The following SOS1 variants were observed in gnomAD, a reference collection of about 807,000 sequenced individuals.
SOS1 encodes the protein SOS Ras/Rac guanine nucleotide exchange factor 1.
Under a neutral mutation model 157.6 loss-of-function variants are expected in SOS1, and 25 were observed. That is an observed-to-expected ratio of 0.16 (90% CI 0.12 to 0.22). The LOEUF (loss-of-function observed/expected upper bound fraction) is 0.22, where lower values mean the gene tolerates loss of function less well. Ranked by LOEUF, SOS1 falls within the 10% of genes least tolerant of loss-of-function variation. The probability of loss-of-function intolerance (pLI) is 1.00; values close to 1 mark genes in which losing one functional copy is unlikely to be tolerated. For synonymous variants in SOS1, 528 were observed against 534.0 expected (o/e 0.99, Z 0.16); for missense variants, 1,237 against 1,599.1 (o/e 0.77, Z 3.86).
intron 1 of SOS1, among the ~76,000 whole-genome samples, chr2:39,099,741 C>CAAACCATATTGAAATGG (rs1431579632): frequency 6.6e-5 from 10 of 152,094 alleles, no homozygotes; most frequent in African/African-American, 2.4e-4. Context: ...AACCATATAT[C>CAAACCATATTGAAATGG]TTTTTTTATT....
At chr2:39,057,494 C>T (rs1671252110) in intron 3 of SOS1, among the ~76,000 whole-genome samples, 1 of 151,902 alleles carries the variant, frequency 6.6e-6, no homozygotes, top group Non-Finnish European at 1.5e-5. Flanking sequence ...ATAACAAATT[C>T]TATTTTCCAA....
chr2:39,115,980 C>G (rs918504572), intron 1 of SOS1, among the ~76,000 whole-genome samples: 10 of 151,710 alleles, frequency 6.6e-5, no homozygotes, highest in African/African-American at 2.4e-4. Context: ...GTTTGTATCA[C>G]AATTTGCTTA....
intron 14 of SOS1, among the ~76,000 whole-genome samples, chr2:39,011,912 T>C (rs1482795083): frequency 6.6e-6 from 1 of 152,046 alleles, no homozygotes; most frequent in Non-Finnish European, 1.5e-5. Context: ...CCTTACCAAC[T>C]AGGGGTGAAC....
upstream of SOS1, among the ~76,000 whole-genome samples, chr2:39,122,246 A>C (rs1204344361): frequency 1.3e-5 from 2 of 149,790 alleles, no homozygotes; most frequent in South Asian, 2.1e-4. Context: ...CCTGGCCAAC[A>C]CTGTGAAAAC....
At chr2:39,096,907 T>C (rs1201562612) in intron 1 of SOS1, among the ~76,000 whole-genome samples, 1 of 151,272 alleles carries the variant, frequency 6.6e-6, no homozygotes, top group African/African-American at 2.4e-5. Context: ...AAATCTTGGC[T>C]GAAATACATA....
intron 6 of SOS1, among the ~76,000 whole-genome samples, chr2:39,049,010 TG>T (rs1191419114): frequency 6.6e-6 from 1 of 152,090 alleles, no homozygotes; most frequent in African/African-American, 2.4e-5. Flanking sequence ...CTCCACCTCC[TG>T]GGTTCAAGTG....
At position 39,001,305 on chromosome 2, in the gene SOS1, C is replaced by T. The variant is rs554676885; in HGVS notation, c.2792-3880G>A. On this transcript the variant is annotated intron_variant, in intron 17 of 22. Transcript: ENST00000402219. ...CTTGAACTCCTGGCCCTAAGCAATT[C>T]GCTCACCTCAACCTCTCAAAGTGCT... Among the ~76,000 whole-genome samples the T allele has an allele frequency of 2.6e-5, 4 of 152,290 alleles. No homozygotes were observed. The East Asian group carries it at 7.7e-4, about 29-fold the overall frequency.
At chr2:39,082,000 T>C (rs297122) in intron 1 of SOS1, among the ~76,000 whole-genome samples, 144,382 of 152,208 alleles carry the variant, frequency 0.95, 68,590 homozygotes, top group African/African-American at 0.98. Flanking sequence ...ATAATAGTTA[T>C]GTCATGGTAA....
chr2:39,122,425 C>G (rs796451966), upstream of SOS1, among the ~76,000 whole-genome samples: 1 of 141,518 alleles, frequency 7.1e-6, no homozygotes, highest in African/African-American at 2.7e-5. Context: ...ACCAAAACTC[C>G]GTTTCAATTC....
chr2:39,073,183 T>C (rs1671846439), intron 1 of SOS1, among the ~76,000 whole-genome samples: 1 of 152,238 alleles, frequency 6.6e-6, no homozygotes, highest in Non-Finnish European at 1.5e-5. Flanking sequence ...GGTTACCCTG[T>C]CAAATCTTAC....
At chr2:39,027,581 T>C (rs1435211629) in intron 8 of SOS1, among the ~76,000 whole-genome samples, 1 of 152,206 alleles carries the variant, frequency 6.6e-6, no homozygotes. Context: ...GGGTGGCTTA[T>C]TGTGGCTACA....
intron 17 of SOS1, among the ~76,000 whole-genome samples, chr2:39,004,335 C>T (rs909757594): frequency 1.5e-5 from 2 of 135,988 alleles, no homozygotes; most frequent in African/African-American, 2.8e-5. Flanking sequence ...AGGAGAATGG[C>T]GTGAACCTTG....
chr2:39,116,281 C>A (rs1673647325), intron 1 of SOS1, among the ~76,000 whole-genome samples: 1 of 152,214 alleles, frequency 6.6e-6, no homozygotes, highest in South Asian at 2.1e-4. Context: ...TGACTAAAGA[C>A]AATCAAGTCA....
intron 15 of SOS1, 60 bp from the exon 16 acceptor site, chr2:39,007,253 T>A: frequency 9.4e-7 from 1 of 1,069,310 alleles, no homozygotes; most frequent in Non-Finnish European, 1.5e-6. Context: ...AGTTATAGCT[T>A]AAAGAATTTA....
chr2:39,037,031 G>GT (rs1670379809), intron 6 of SOS1, among the ~76,000 whole-genome samples: 1 of 152,294 alleles, frequency 6.6e-6, no homozygotes, highest in East Asian at 1.9e-4. Context: ...ATCAGAAGAC[G>GT]TGAGTTCTGG....
At chr2:39,114,333 C>G (rs1184312201) in intron 1 of SOS1, among the ~76,000 whole-genome samples, 2 of 146,538 alleles carry the variant, frequency 1.4e-5, no homozygotes, top group African/African-American at 5.1e-5. Flanking sequence ...GATGGAGTTT[C>G]ACTCTTGTTG....
At position 39,024,065 on chromosome 2, in the gene SOS1, C is replaced by G. The variant is rs1313184916; in HGVS notation, c.1147G>C (p.Val383Leu). The G allele has an allele frequency of 6.2e-7, 1 of 1,600,938 alleles. No individual in the cohort carries two copies. ...CATATTTTTTCCATACCACTCTGAACATTAAGCAAAGCTGTTATTGCTTGT... is the reference window on the plus strand; with the variant it reads ...CATATTTTTTCCATACCACTCTGAAGATTAAGCAAAGCTGTTATTGCTTGT... ...LKQAITALLN[V>L]QSGMEKICSK... is the part of the protein sequence containing the mutation. The change falls in exon 9 of 23, where the codon GTT becomes CTT. Residue 383 changes from valine (V) to leucine (L), a missense_variant. Val to Leu is a conservative substitution (Grantham distance 32). Coordinates refer to ENST00000402219, the MANE Select transcript of SOS1 (RefSeq NM_005633.4).
intron 1 of SOS1, among the ~76,000 whole-genome samples, chr2:39,099,610 C>T (rs1672892738): frequency 6.6e-6 from 1 of 151,974 alleles, no homozygotes; most frequent in Non-Finnish European, 1.5e-5. Context: ...TACCAAAAGC[C>T]CAGGCAACAA....
intron 1 of SOS1, among the ~76,000 whole-genome samples, chr2:39,081,354 TA>T (rs946108326): frequency 2.0e-5 from 3 of 151,506 alleles, no homozygotes; most frequent in Non-Finnish European, 4.4e-5. Flanking sequence ...ACCCCGTCTC[TA>T]ATAAAAATAC....
Sources: gnomAD v4.1 joint callset for allele counts (sites outside exome capture counted in the v4.1 genomes callset) on GRCh38, gnomAD v4.1.1 for gene constraint, MANE v1.5 for transcripts, NCBI Gene and HGNC (gene_info 2026-07-23, HGNC 2026-07-21) for gene names.